Variants in LRRC7 observed in about 807,000 individuals in gnomAD.
LRRC7 encodes the protein leucine-rich repeat-containing protein 7.
In LRRC7, 23 loss-of-function variants were observed where a neutral mutation model predicts 175.7. That is an observed-to-expected ratio of 0.13 (90% CI 0.09 to 0.19). The LOEUF (loss-of-function observed/expected upper bound fraction) is 0.19, where lower values mean the gene tolerates loss of function less well. LRRC7 is among the 10% of genes least tolerant of loss of function. LRRC7 has a pLI of 1.00. For missense variants in LRRC7, 1,354 were observed against 1,904.7 expected, an observed-to-expected ratio of 0.71 and a Z score of 5.38; for synonymous variants, 685 against 680.9, an observed-to-expected ratio of 1.01 and a Z score of -0.09.
intron 3 of LRRC7, among the ~76,000 whole-genome samples, chr1:69,787,848 A>G (rs1037725023): frequency 1.8e-4 from 27 of 152,084 alleles, no homozygotes; most frequent in African/African-American, 6.5e-4. Context: ...AATATGTGAG[A>G]ATTGTGGGAG....
intron 1 of LRRC7, among the ~76,000 whole-genome samples, chr1:69,616,259 C>T (rs1440103663): frequency 6.6e-6 from 1 of 151,850 alleles, no homozygotes; most frequent in African/African-American, 2.4e-5. Flanking sequence ...TTGGTAAAGC[C>T]TAGGTCTTTT....
rs72673059 is a variant in LRRC7, at chr1:69,708,688, G to C, written c.100+30210G>C. Among the ~76,000 whole-genome samples the C allele has an allele frequency of 5.8e-4, 88 of 152,200 alleles. 1 individual carries two copies. Among genetic ancestry groups the C allele is most frequent in the Non-Finnish European group, 1.1e-3 (73 of 68,008 alleles). On this transcript the variant is annotated intron_variant, in intron 2 of 26. Transcript: ENST00000651989. ...TCAGTGGTTGTGCTGATCTCATATG[G>C]GCATGTTCATGTCTGGAGGTCAGCT...
intron 1 of LRRC7, among the ~76,000 whole-genome samples, chr1:69,638,515 A>G (rs576227101): frequency 1.3e-5 from 2 of 151,908 alleles, no homozygotes; most frequent in African/African-American, 4.8e-5. Flanking sequence ...TTTGATTCCT[A>G]TAATGGATGA....
At chr1:69,823,488 G>A (rs1246723415) in intron 4 of LRRC7, among the ~76,000 whole-genome samples, 2 of 152,114 alleles carry the variant, frequency 1.3e-5, no homozygotes, top group Non-Finnish European at 2.9e-5. Flanking sequence ...TTGGCACAAT[G>A]TCTGGCACTT....
At chr1:69,813,851 G>T (rs1049448418) in intron 4 of LRRC7, among the ~76,000 whole-genome samples, 2 of 152,054 alleles carry the variant, frequency 1.3e-5, no homozygotes, top group Non-Finnish European at 2.9e-5. Context: ...GGATTACGTG[G>T]TCTACAAATT....
At chr1:69,573,284 T>C (rs945662820) in intron 1 of LRRC7, among the ~76,000 whole-genome samples, 19 of 152,188 alleles carry the variant, frequency 1.2e-4, no homozygotes, top group African/African-American at 4.6e-4. Flanking sequence ...TGCTCTCTTC[T>C]TCATGGCATA....
chr1:69,657,405 A>C (rs1026111714), intron 1 of LRRC7, among the ~76,000 whole-genome samples: 1 of 151,838 alleles, frequency 6.6e-6, no homozygotes, highest in African/African-American at 2.4e-5. Flanking sequence ...AGGTAGAATT[A>C]TTTCAGAATG....
At chr1:70,065,041 T>C (rs554091692) in intron 23 of LRRC7, among the ~76,000 whole-genome samples, 1 of 152,094 alleles carries the variant, frequency 6.6e-6, no homozygotes, top group African/African-American at 2.4e-5. Context: ...TCTTGGTTGA[T>C]GCTGTCACCG....
chr1:69,937,456 C>G (rs1648162409), intron 8 of LRRC7, among the ~76,000 whole-genome samples: 1 of 151,890 alleles, frequency 6.6e-6, no homozygotes, highest in African/African-American at 2.4e-5. Flanking sequence ...TACAAAATTT[C>G]TAATGTAAAA....
rs1667182796 is a variant in LRRC7, at chr1:70,143,750, A to T, written c.*21863A>T. 6.6e-6 allele frequency: 1 copy of T among 152,220 alleles called. No individual in the cohort carries two copies. The highest frequency in any genetic ancestry group is 2.4e-5 in the African/African-American group (1 of 41,464). The allele number at this position is 152,220 out of a possible 1,614,324, so 9.4% of individuals were successfully genotyped here. On this transcript the variant is annotated 3_prime_UTR_variant, in exon 27 of 27. Transcript: ENST00000651989. ...ATACAATTTTACCATTTTATAAAAA[A>T]AATCAAATCACAACATGTTTAACTG...
chr1:69,736,001 G>A (rs1244356581), intron 2 of LRRC7, among the ~76,000 whole-genome samples: 2 of 151,892 alleles, frequency 1.3e-5, no homozygotes, highest in Non-Finnish European at 1.5e-5. Flanking sequence ...AGCTCACTTT[G>A]GCTGGTTAAA....
chr1:69,924,083 T>C (rs1646979098), intron 7 of LRRC7, among the ~76,000 whole-genome samples: 1 of 152,198 alleles, frequency 6.6e-6, no homozygotes, highest in African/African-American at 2.4e-5. Context: ...TTCTTGTTTT[T>C]CTCAGGTTTG....
At chr1:69,845,946 C>A (rs1041929208) in intron 7 of LRRC7, among the ~76,000 whole-genome samples, 1 of 152,090 alleles carries the variant, frequency 6.6e-6, no homozygotes, top group Admixed American at 6.6e-5. Flanking sequence ...GTACCATCCT[C>A]TTCAGGATTA....
intron 7 of LRRC7, among the ~76,000 whole-genome samples, chr1:69,884,847 G>A (rs1687007569): frequency 7.0e-6 from 1 of 142,474 alleles, no homozygotes; most frequent in Non-Finnish European, 1.5e-5. Flanking sequence ...TTTTGTCAAA[G>A]GCTTTTTCTG....
chr1:69,654,689 T>G (rs1656355168), intron 1 of LRRC7, among the ~76,000 whole-genome samples: 1 of 152,096 alleles, frequency 6.6e-6, no homozygotes, highest in Non-Finnish European at 1.5e-5. Flanking sequence ...ATAAGTTCAT[T>G]TTTACAAAGA....
At chr1:69,609,076 C>A (rs1648274729) in intron 1 of LRRC7, among the ~76,000 whole-genome samples, 1 of 151,488 alleles carries the variant, frequency 6.6e-6, no homozygotes, top group African/African-American at 2.4e-5. Flanking sequence ...GCAGAGACAG[C>A]TTGAAAGCAC....
chr1:70,035,025 G>A (rs1461181355), intron 18 of LRRC7, among the ~76,000 whole-genome samples: 1 of 151,888 alleles, frequency 6.6e-6, no homozygotes, highest in Non-Finnish European at 1.5e-5. Context: ...TTTAAGACAG[G>A]ACTTTTTAAA....
Position 69,633,702 on chromosome 1 carries a change from T to C in LRRC7, c.3-44679T>C, listed in dbSNP as rs558586689. ...CCTCTGCCTCCCAAAGTGCTGGGAT[T>C]ACAGGCATGAGCCACCGTGCCCAGC... On this transcript the variant is annotated intron_variant, in intron 1 of 26. Transcript: ENST00000651989. Among the ~76,000 whole-genome samples, 297 of 152,304 alleles carry C rather than the reference T, an allele frequency of 2.0e-3. 1 individual carries two copies. Among genetic ancestry groups the C allele is most frequent in the African/African-American group, 6.8e-3 (284 of 41,590 alleles).
intron 22 of LRRC7, among the ~76,000 whole-genome samples, chr1:70,048,116 C>T (rs1376979213): frequency 6.6e-6 from 1 of 151,922 alleles, no homozygotes; most frequent in Non-Finnish European, 1.5e-5. Context: ...GCTTAGCTAT[C>T]GTCTTGAAAT....
Sources: allele counts gnomAD v4.1 joint callset (sites outside exome capture counted in the v4.1 genomes callset), GRCh38; gene constraint gnomAD v4.1.1; transcripts MANE v1.5; gene names NCBI Gene and HGNC (gene_info 2026-07-23, HGNC 2026-07-21).